The following VWA2 variants were observed in gnomAD, a reference collection of about 807,000 sequenced individuals.
VWA2 encodes the protein von Willebrand factor A domain containing 2.
In VWA2, 73 loss-of-function variants were observed where a neutral mutation model predicts 70.4. The observed-to-expected ratio is 1.04, with a 90% confidence interval of 0.86 to 1.26. The LOEUF (loss-of-function observed/expected upper bound fraction) is 1.26. Ranked by LOEUF, VWA2 falls within the 50% of genes most tolerant of loss-of-function variation. The pLI is 0.00. For missense variants in VWA2, 1,011 were observed against 998.5 expected (o/e 1.01, Z -0.17); for synonymous variants, 407 against 423.3 (o/e 0.96, Z 0.47).
chr10:114,262,498 C>G (rs1313046180), intron 5 of VWA2, among the ~76,000 whole-genome samples: 2 of 152,134 alleles, frequency 1.3e-5, no homozygotes, highest in African/African-American at 4.8e-5. Flanking sequence ...CTCCTGCTGC[C>G]CCTTGTACTA....
Position 114,286,013 on chromosome 10 carries a change from G to C in VWA2, c.1072G>C (p.Gly358Arg). The C allele has an allele frequency of 6.2e-7, 1 of 1,614,098 alleles. No homozygotes were observed. Among genetic ancestry groups the C allele is most frequent in the Non-Finnish European group, 8.5e-7 (1 of 1,180,018 alleles). ...LDSSAGTTLDGFLRAKVFVKR... is the reference protein window; with the variant it reads ...LDSSAGTTLDRFLRAKVFVKR... ...CAGCTCTGCGGGCACCACTCTGGAC[G>C]GCTTCCTGCGGGCCAAAGTCTTCGT... The change falls in exon 11 of 14, where the codon GGC (glycine) becomes CGC (arginine). Residue 358 changes from glycine (G) to arginine (R), a missense_variant. Physicochemically the swap from Gly to Arg is moderately radical, Grantham distance 125. Transcript: ENST00000392982.
intron 1 of VWA2, among the ~76,000 whole-genome samples, chr10:114,247,189 GAAA>G (rs78485491): frequency 7.2e-6 from 1 of 139,136 alleles, no homozygotes; most frequent in African/African-American, 2.6e-5. Flanking sequence ...TTTTAAGTGT[GAAA>G]AAAAAAAAAA....
intron 3 of VWA2, among the ~76,000 whole-genome samples, chr10:114,254,318 C>G (rs142325324): frequency 1.3e-5 from 2 of 152,052 alleles, no homozygotes; most frequent in African/African-American, 2.4e-5. Context: ...GCAATCCGCC[C>G]GCGTTGGTCT....
intron 9 of VWA2, among the ~76,000 whole-genome samples, chr10:114,283,497 A>T (rs923508192): frequency 2.0e-5 from 3 of 152,154 alleles, no homozygotes. Flanking sequence ...AGCACAGGAG[A>T]ATCTGAGAGT....
In VWA2 at chr10:114,290,669, G is replaced by A. The variant is rs116465530; in HGVS notation, c.2248+304G>A. ...TGTGGTAGACGGTGCTAAGCACCCC[G>A]GAGAAAGTCATGACAACTAGGAGGG... On this transcript the variant is annotated intron_variant, in intron 13 of 13. Coordinates refer to ENST00000392982, the MANE Select transcript of VWA2 (RefSeq NM_001272046.2). 3.5e-3 allele frequency among the ~76,000 whole-genome samples: 528 copies of A among 152,252 alleles called. 4 individuals are homozygous for A. Among genetic ancestry groups the A allele is most frequent in the African/African-American group, 0.012 (487 of 41,548 alleles).
At chr10:114,253,436 C>T (rs1355818397) in intron 2 of VWA2, among the ~76,000 whole-genome samples, 2 of 144,146 alleles carry the variant, frequency 1.4e-5, no homozygotes, top group African/African-American at 2.6e-5. Context: ...CTTCAAACTA[C>T]CCACATTTAA....
In VWA2 at chr10:114,286,401, TGGA is replaced by T; in HGVS notation, c.1465_1467del (p.Glu489del). 1.9e-6 allele frequency: 3 copies of T among 1,613,944 alleles called. No homozygotes were observed. The highest frequency in any genetic ancestry group is 1.1e-5 in the South Asian group (1 of 91,084). On this transcript the variant is annotated inframe_deletion, in exon 11 of 14. Transcript: ENST00000392982. ...GGCAGTGAGGCCGTGCGGGCAGAGC[TGGA>T]GGAGATCACAGGCAGCCCAAAGCAT...
In VWA2 at chr10:114,291,381, C is replaced by A; in HGVS notation, c.*144C>A. ...TGTCTGCTTCCCGCCGTGGCCAGGA[C>A]CACTATTCTCACTGAGGGAGGAGGA... On this transcript the variant is annotated 3_prime_UTR_variant, in exon 14 of 14. Coordinates refer to ENST00000392982, the MANE Select transcript of VWA2 (RefSeq NM_001272046.2). 1 of 961,912 alleles carries A rather than the reference C, an allele frequency of 1.0e-6. No homozygotes were observed. Among genetic ancestry groups the A allele is most frequent in the Non-Finnish European group, 1.5e-6 (1 of 670,770 alleles). 59.6% of individuals were successfully genotyped at this position (961,912 alleles called of 1,614,324 possible).
intron 4 of VWA2, among the ~76,000 whole-genome samples, chr10:114,258,946 A>G (rs572805453): frequency 1.2e-4 from 19 of 152,212 alleles, no homozygotes; most frequent in Non-Finnish European, 2.5e-4. Flanking sequence ...GTTTCATCAT[A>G]AGGATTTCTC....
intron 5 of VWA2, among the ~76,000 whole-genome samples, chr10:114,266,300 G>GA (rs1039702482): frequency 1.8e-4 from 26 of 146,508 alleles, no homozygotes; most frequent in East Asian, 7.9e-4. Flanking sequence ...CCGTCTCAAA[G>GA]AAAAAAAAAA....
chr10:114,270,594 T>G (rs1838781691), intron 5 of VWA2, among the ~76,000 whole-genome samples: 1 of 152,162 alleles, frequency 6.6e-6, no homozygotes, highest in Non-Finnish European at 1.5e-5. Context: ...TCAGCGCTAA[T>G]ATTATCCTTT....
intron 5 of VWA2, among the ~76,000 whole-genome samples, chr10:114,265,985 G>A (rs2133342571): frequency 6.6e-6 from 1 of 152,220 alleles, no homozygotes; most frequent in South Asian, 2.1e-4. Context: ...TTTTTCTACA[G>A]TGAAGTTTTC....
intron 2 of VWA2, 121 bp from the exon 3 acceptor site, chr10:114,253,530 T>C: frequency 1.2e-6 from 1 of 813,276 alleles, no homozygotes; most frequent in South Asian, 1.7e-5. Flanking sequence ...GCAAGAATCA[T>C]CACTCCCCCA....
intron 5 of VWA2, among the ~76,000 whole-genome samples, chr10:114,261,613 G>C (rs2037446784): frequency 6.6e-6 from 1 of 152,212 alleles, no homozygotes; most frequent in Admixed American, 6.5e-5. Flanking sequence ...GGAACACTGA[G>C]TCTTAATCCC....
intron 12 of VWA2, chr10:114,289,722 A>G (rs2039364833): frequency 5.3e-6 from 3 of 571,300 alleles, no homozygotes; most frequent in South Asian, 4.1e-5. Context: ...ACTCCCCCCA[A>G]ACTTGAGAAT....
Position 114,239,334 on chromosome 10 carries a change from G to C in VWA2, c.-246G>C, listed in dbSNP as rs1025104610. 6.6e-6 allele frequency: 1 copy of C among 152,272 alleles called. No individual in the cohort carries two copies. The highest frequency in any genetic ancestry group is 2.4e-5 in the African/African-American group (1 of 41,464). 9.4% of individuals were successfully genotyped at this position (152,272 alleles called of 1,614,324 possible). On this transcript the variant is annotated 5_prime_UTR_variant, in exon 1 of 14. Coordinates refer to ENST00000392982, the MANE Select transcript of VWA2 (RefSeq NM_001272046.2). ...ACTTTTTTATTTGCAGACCTGGGCCGATGCCGCTTTAAAAAACGCGAGGGG... is the reference window on the plus strand; with the variant it reads ...ACTTTTTTATTTGCAGACCTGGGCCCATGCCGCTTTAAAAAACGCGAGGGG...
At chr10:114,267,576 C>A (rs1311060857) in intron 5 of VWA2, among the ~76,000 whole-genome samples, 3 of 151,386 alleles carry the variant, frequency 2.0e-5, no homozygotes, top group East Asian at 3.9e-4. Context: ...GGATTACAGG[C>A]CCCCGCCACC....
rs749494547 is a variant in VWA2, at chr10:114,285,938, G to A, written c.998-1G>A. 1.9e-6 allele frequency: 3 copies of A among 1,587,978 alleles called. No homozygotes were observed. The highest frequency in any genetic ancestry group is 2.6e-6 in the Non-Finnish European group (3 of 1,163,380). ...AGTGGGTGTTGCTGTGATCCCCGCA[G>A]CCCTGAAGCTGAGCCTGGAATGCAG... On this transcript the variant is annotated splice_acceptor_variant, in intron 10 of 13. Coordinates refer to ENST00000392982, the MANE Select transcript of VWA2 (RefSeq NM_001272046.2). LOFTEE classifies it high-confidence loss of function.
intron 1 of VWA2, among the ~76,000 whole-genome samples, chr10:114,247,929 TA>T (rs1258996672): frequency 6.6e-6 from 1 of 151,684 alleles, no homozygotes; most frequent in Non-Finnish European, 1.5e-5. Context: ...AGTTTTTTTT[TA>T]AAAAAACTTC....
Sources: allele counts gnomAD v4.1 joint callset (sites outside exome capture counted in the v4.1 genomes callset), GRCh38; gene constraint gnomAD v4.1.1; transcripts MANE v1.5; gene names NCBI Gene and HGNC (gene_info 2026-07-23, HGNC 2026-07-21).